The following ETV6 variants were observed in gnomAD, a reference collection of about 807,000 sequenced individuals.
ETV6 encodes transcription factor ETV6.
ETV6 carries 16 observed loss-of-function variants against 51.1 expected under a neutral mutation model. That is an observed-to-expected ratio of 0.31 (90% CI 0.21 to 0.48). ETV6 has a LOEUF of 0.48. Among genes scored for constraint, ETV6 ranks in the 20% least tolerant of loss-of-function variants. ETV6 has a pLI of 0.99. For missense variants in ETV6, 458 were observed against 594.8 expected (o/e 0.77, Z 2.39); for synonymous variants, 240 against 224.1 (o/e 1.07, Z -0.64).
chr12:11,652,864 A>T (rs1266991898), intron 1 of ETV6, among the ~76,000 whole-genome samples: 1 of 152,180 alleles, frequency 6.6e-6, no homozygotes, highest in African/African-American at 2.4e-5. Flanking sequence ...ATGCCTGATA[A>T]GGGCTTTTCT....
chr12:11,842,913 TA>T (rs11335548), intron 3 of ETV6, among the ~76,000 whole-genome samples: 79,458 of 151,976 alleles, frequency 0.52, 22,933 homozygotes, highest in African/African-American at 0.77. Flanking sequence ...AGTTCATTTT[TA>T]AAGCAAGCAA....
chr12:11,859,109 T>C (rs1249459856), intron 4 of ETV6, among the ~76,000 whole-genome samples: 2 of 133,378 alleles, frequency 1.5e-5, no homozygotes, highest in Admixed American at 1.6e-4. Context: ...AGATGAGGTA[T>C]ATGAATCTGG....
intron 1 of ETV6, among the ~76,000 whole-genome samples, chr12:11,737,668 G>A (rs1489541102): frequency 6.6e-6 from 1 of 152,246 alleles, no homozygotes; most frequent in Non-Finnish European, 1.5e-5. Context: ...GGAAGAAGTG[G>A]ATGAGGGAAG....
chr12:11,730,281 CT>C (rs1865568784), intron 1 of ETV6, among the ~76,000 whole-genome samples: 1 of 152,192 alleles, frequency 6.6e-6, no homozygotes, highest in African/African-American at 2.4e-5. Flanking sequence ...GTGAGAAAAC[CT>C]TATCCCTCTC....
chr12:11,712,136 C>T (rs1325517749), intron 1 of ETV6, among the ~76,000 whole-genome samples: 1 of 152,162 alleles, frequency 6.6e-6, no homozygotes, highest in Non-Finnish European at 1.5e-5. Flanking sequence ...CCCTTCACCC[C>T]CCCATCTTAC....
At chr12:11,870,047 C>A (rs2136541987) in intron 5 of ETV6, 78 bp downstream of exon 5, 1 of 1,499,176 alleles carries the variant, frequency 6.7e-7, no homozygotes, top group Non-Finnish European at 9.0e-7. Flanking sequence ...ATCTTTGCAG[C>A]CAGCCTCGCA....
chr12:11,730,552 T>A (rs145633816), intron 1 of ETV6, among the ~76,000 whole-genome samples: 2 of 152,372 alleles, frequency 1.3e-5, no homozygotes, highest in Admixed American at 6.5e-5. Context: ...GCAGAGAACC[T>A]AGGTCCATAA....
intron 1 of ETV6, among the ~76,000 whole-genome samples, chr12:11,690,148 C>T (rs1167594164): frequency 1.3e-5 from 2 of 151,536 alleles, no homozygotes; most frequent in African/African-American, 2.4e-5. Flanking sequence ...AGAGGTGGCT[C>T]GCAGACTGAG....
intron 2 of ETV6, among the ~76,000 whole-genome samples, chr12:11,762,515 G>A (rs1285476880): frequency 6.6e-6 from 1 of 152,154 alleles, no homozygotes; most frequent in Non-Finnish European, 1.5e-5. Flanking sequence ...TCCCTTAGCC[G>A]GCTCCGTAGC....
At chr12:11,864,216 G>A (rs1946759825) in intron 4 of ETV6, among the ~76,000 whole-genome samples, 1 of 152,100 alleles carries the variant, frequency 6.6e-6, no homozygotes, top group African/African-American at 2.4e-5. Flanking sequence ...TTCCTCTCCT[G>A]GTCCTCCCAG....
At position 11,701,359 on chromosome 12, in the gene ETV6, C is replaced by G. The variant is rs1351901367; in HGVS notation, c.34-51091C>G. 2.0e-5 allele frequency among the ~76,000 whole-genome samples: 3 copies of G among 152,106 alleles called. No homozygotes were observed. In the South Asian group the frequency reaches 6.2e-4, roughly 31 times the overall value. On this transcript the variant is annotated intron_variant, in intron 1 of 7. Transcript: ENST00000396373. ...TGTGAATTATGACTACTCCAGGTCT[C>G]TCCGTAAGTGGAATCTCATTTGACC...
chr12:11,853,338 C>A, intron 3 of ETV6, 89 bp from the exon 4 acceptor site: 1 of 1,504,280 alleles, frequency 6.6e-7, no homozygotes, highest in African/African-American at 1.4e-5. Context: ...ATCTTTGGCA[C>A]CGTGCCAGGC....
At chr12:11,712,210 A>C (rs1406840763) in intron 1 of ETV6, among the ~76,000 whole-genome samples, 3 of 152,210 alleles carry the variant, frequency 2.0e-5, no homozygotes, top group Non-Finnish European at 4.4e-5. Flanking sequence ...AGTGAAGTAC[A>C]TTCCTTTCAT....
chr12:11,750,792 C>CT (rs6144613), intron 1 of ETV6: 432 of 369,942 alleles, frequency 1.2e-3, no homozygotes, highest in African/African-American at 2.2e-3. Context: ...TATGTGTGGG[C>CT]TTTTTTTTTT....
chr12:11,882,919 C>T (rs1947122374), intron 5 of ETV6, among the ~76,000 whole-genome samples: 1 of 152,242 alleles, frequency 6.6e-6, no homozygotes, highest in African/African-American at 2.4e-5. Flanking sequence ...CATTGTAGTG[C>T]AGGAGTCCAG....
At chr12:11,763,804 G>A (rs1945126098) in intron 2 of ETV6, among the ~76,000 whole-genome samples, 2 of 152,228 alleles carry the variant, frequency 1.3e-5, no homozygotes, top group Admixed American at 6.5e-5. Flanking sequence ...GCTCTCTCAT[G>A]TCTGGTACTT....
At chr12:11,814,881 C>A (rs546932452) in intron 2 of ETV6, among the ~76,000 whole-genome samples, 1 of 152,152 alleles carries the variant, frequency 6.6e-6, no homozygotes, top group African/African-American at 2.4e-5. Flanking sequence ...CAGCCCTTCC[C>A]GGGGAGTGTG....
intron 5 of ETV6, among the ~76,000 whole-genome samples, chr12:11,876,123 A>G (rs1339587269): frequency 1.3e-5 from 2 of 152,222 alleles, no homozygotes; most frequent in Non-Finnish European, 2.9e-5. Flanking sequence ...GAAAGGAACA[A>G]TAACAAGTTA....
chr12:11,760,388 T>C (rs891754912), intron 2 of ETV6, among the ~76,000 whole-genome samples: 1 of 152,152 alleles, frequency 6.6e-6, no homozygotes, highest in Non-Finnish European at 1.5e-5. Flanking sequence ...TGGATGACGA[T>C]TGGATACCTA....
Sources: gnomAD v4.1 joint callset for allele counts (sites outside exome capture counted in the v4.1 genomes callset) on GRCh38, gnomAD v4.1.1 for gene constraint, MANE v1.5 for transcripts, NCBI Gene and HGNC (gene_info 2026-07-23, HGNC 2026-07-21) for gene names.